The following RP1L1 variants were observed in gnomAD, a reference collection of about 807,000 sequenced individuals.
RP1L1 encodes retinitis pigmentosa 1-like 1 protein.
In RP1L1, 27 loss-of-function variants were observed where a neutral mutation model predicts 15.7. The ratio of observed to expected loss-of-function variants is 1.72; its 90% CI spans 1.27 to 2.38. The LOEUF is 2.38. Among genes scored for constraint, RP1L1 ranks in the 30% most tolerant of loss-of-function variants. RP1L1 has a pLI of 0.00. For synonymous variants in RP1L1, 1,813 were observed against 1,276.7 expected (o/e 1.42, Z -8.96); for missense variants, 4,798 against 3,075.9 (o/e 1.56, Z -13.24).
At chr8:10,616,658 GA>G (rs1172557805) in intron 2 of RP1L1, 71 bp from the exon 3 acceptor site, 10 of 1,508,342 alleles carry the variant, frequency 6.6e-6, no homozygotes, top group Non-Finnish European at 8.9e-6. Context: ...CCTGGGGGAG[GA>G]AGGATCCAGT....
In RP1L1 at chr8:10,616,148, A is replaced by G. The variant is rs1245341154; in HGVS notation, c.751+298T>C. Among the ~76,000 whole-genome samples the G allele has an allele frequency of 2.0e-5, 3 of 152,032 alleles. 1 individual carries two copies. Among genetic ancestry groups the G allele is most frequent in the Non-Finnish European group, 4.4e-5 (3 of 68,004 alleles). On this transcript the variant is annotated intron_variant, in intron 3 of 3. Transcript: ENST00000382483. ...GGTGTCCAACTCCTAGACTCAAGCT[A>G]TCCTCTCGCTTTGGGCCCCCAAACG...
intron 2 of RP1L1, among the ~76,000 whole-genome samples, 177 bp downstream of exon 2, chr8:10,622,416 T>G (rs984612312): frequency 5.3e-5 from 8 of 150,664 alleles, no homozygotes; most frequent in African/African-American, 1.9e-4. Context: ...AAAACATGAA[T>G]CACAGCTGCT....
chr8:10,620,185 A>G (rs1325401226), intron 2 of RP1L1, among the ~76,000 whole-genome samples: 1 of 152,172 alleles, frequency 6.6e-6, no homozygotes, highest in Non-Finnish European at 1.5e-5. Flanking sequence ...AGCGAATTCC[A>G]TGGATGTTAG....
chr8:10,649,432 A>G (rs1798526686), intron 1 of RP1L1, among the ~76,000 whole-genome samples: 1 of 152,156 alleles, frequency 6.6e-6, no homozygotes, highest in African/African-American at 2.4e-5. Context: ...AGAAATACCC[A>G]TGGCTAGCTG....
In RP1L1 at chr8:10,611,261, C is replaced by G. The variant is rs1585966240; in HGVS notation, c.2837G>C (p.Ser946Thr). Residue 946 changes from serine to threonine, a missense_variant, in exon 4 of 4, where the codon AGC (serine) becomes ACC (threonine). Coordinates refer to ENST00000382483, the MANE Select transcript of RP1L1 (RefSeq NM_178857.6). ...GQEEASGVSPSSLPRSSPEAV... is the reference protein window; with the variant it reads ...GQEEASGVSPTSLPRSSPEAV... ...CTCTGGAGACGAGCGGGGCAGAGAGCTGGGTGACACACCACTGGCCTCCTC... is the reference window on the plus strand; with the variant it reads ...CTCTGGAGACGAGCGGGGCAGAGAGGTGGGTGACACACCACTGGCCTCCTC... 1 of 1,613,016 alleles carries G rather than the reference C, an allele frequency of 6.2e-7. No homozygotes were observed. The highest frequency in any genetic ancestry group is 2.2e-5 in the East Asian group (1 of 44,864).
At chr8:10,620,236 G>A (rs964320933) in intron 2 of RP1L1, among the ~76,000 whole-genome samples, 4 of 152,144 alleles carry the variant, frequency 2.6e-5, no homozygotes, top group African/African-American at 9.7e-5. Flanking sequence ...TAGTTCTTTG[G>A]ATAGAAGTAA....
Position 10,609,870 on chromosome 8 carries a change from A to G in RP1L1, c.4228T>C (p.Leu1410=). 6.2e-7 allele frequency: 1 copy of G among 1,607,990 alleles called. No homozygotes were observed. The highest frequency in any genetic ancestry group is 1.3e-5 in the African/African-American group (1 of 74,212). ...PEEGSVHGQE[L]SEASSPDGKG... Reference sequence around the variant, plus strand: ...CCATCCGGAGAGCTGGCCTCTGACAATTCCTGCCCGTGGACGCTTCCTTCT... The same window carrying G: ...CCATCCGGAGAGCTGGCCTCTGACAGTTCCTGCCCGTGGACGCTTCCTTCT... The change falls in exon 4 of 4, where the codon TTG becomes CTG. Residue 1410 remains leucine (L), a synonymous_variant. Coordinates refer to ENST00000382483, the MANE Select transcript of RP1L1 (RefSeq NM_178857.6).
intron 1 of RP1L1, among the ~76,000 whole-genome samples, chr8:10,637,081 G>A (rs1446135641): frequency 6.6e-6 from 1 of 152,240 alleles, no homozygotes; most frequent in East Asian, 1.9e-4. Flanking sequence ...GAGACAGGCT[G>A]AGATTTAGAG....
chr8:10,629,930 C>G (rs916586372), intron 1 of RP1L1, among the ~76,000 whole-genome samples: 1 of 152,182 alleles, frequency 6.6e-6, no homozygotes, highest in African/African-American at 2.4e-5. Context: ...TCCCGCATGG[C>G]CCTGTCCACA....
intron 1 of RP1L1, among the ~76,000 whole-genome samples, chr8:10,630,276 T>A (rs1449705973): frequency 2.0e-5 from 3 of 152,224 alleles, no homozygotes. Flanking sequence ...GGCAGGAGGA[T>A]GGGCAGAGGC....
chr8:10,614,959 G>A (rs987948340), intron 3 of RP1L1, among the ~76,000 whole-genome samples: 5 of 151,650 alleles, frequency 3.3e-5, no homozygotes, highest in Admixed American at 6.6e-5. Context: ...TCCATCTCCT[G>A]AGCCAACATG....
intron 1 of RP1L1, among the ~76,000 whole-genome samples, chr8:10,631,880 G>A (rs1798258707): frequency 1.3e-5 from 2 of 152,260 alleles, no homozygotes; most frequent in South Asian, 2.1e-4. Flanking sequence ...GAAGGGGGAA[G>A]CCAGCACGGG....
Position 10,612,978 on chromosome 8 carries a change from A to G in RP1L1, c.1120T>C (p.Trp374Arg). ...CACACCCCAGGCTCTGAGAAGCCCC[A>G]AGGGTAGCCCTCCCACACACAGCAG... ...PLCCVWEGYP[W>R]GFSEPGVWGP... The change falls in exon 4 of 4, where the codon TGG (tryptophan) becomes CGG (arginine). Residue 374 changes from tryptophan (W) to arginine (R), a missense_variant. Coordinates refer to ENST00000382483, the MANE Select transcript of RP1L1 (RefSeq NM_178857.6). 1.9e-6 allele frequency: 3 copies of G among 1,613,148 alleles called. No individual in the cohort carries two copies. In the Admixed American group the frequency reaches 5.0e-5, roughly 27 times the overall value.
intron 1 of RP1L1, among the ~76,000 whole-genome samples, chr8:10,650,104 C>G (rs986539515): frequency 3.3e-5 from 5 of 152,170 alleles, no homozygotes; most frequent in Admixed American, 2.0e-4. Context: ...TGAGACTCAT[C>G]TCTTCTTGCT....
Position 10,612,125 on chromosome 8 carries a change from C to T in RP1L1, c.1973G>A (p.Arg658Gln), listed in dbSNP as rs377641004. The T allele has an allele frequency of 1.1e-5, 17 of 1,613,566 alleles. No individual in the cohort carries two copies. The highest frequency in any genetic ancestry group is 1.0e-4 in the Admixed American group (6 of 60,012). ...MSSPSSPGLG[R>Q]VAPRGHPRHS... ...CCTGGGATGGCCTCTCGGGGCCACT[C>T]GGCCAAGGCCAGGGCTGCTGGGTGA... Residue 658 changes from arginine to glutamine, a missense_variant, in exon 4 of 4, where the codon CGA becomes CAA. By Grantham distance (43) the Arg-to-Gln change is conservative (BLOSUM62 1). Transcript: ENST00000382483.
Position 10,608,172 on chromosome 8 carries a change from C to G in RP1L1, c.5926G>C (p.Asp1976His). 1 of 1,612,792 alleles carries G rather than the reference C, an allele frequency of 6.2e-7. No homozygotes were observed. The highest frequency in any genetic ancestry group is 8.5e-7 in the Non-Finnish European group (1 of 1,179,766). ...AEEEAQPESE[D>H]VEALEVEVET... The stretch of plus-strand genomic sequence containing the variant: ...ACTTCAACCTCCAGGGCCTCTACAT[C>G]TTCTGACTCTGGCTGGGCTTCCTCT... The change falls in exon 4 of 4, where the codon GAT becomes CAT. Residue 1976 changes from aspartate (D) to histidine (H), a missense_variant. Physicochemically the swap from Asp to His is moderately conservative, Grantham distance 81. Coordinates refer to ENST00000382483, the MANE Select transcript of RP1L1 (RefSeq NM_178857.6).
In RP1L1 at chr8:10,606,942, C is replaced by T; in HGVS notation, c.7156G>A (p.Ala2386Thr). The change falls in exon 4 of 4, where the codon GCA becomes ACA. Residue 2386 changes from alanine (A) to threonine (T), a missense_variant. Physicochemically the swap from Ala to Thr is moderately conservative, Grantham distance 58 (BLOSUM62 0). Coordinates refer to ENST00000382483, the MANE Select transcript of RP1L1 (RefSeq NM_178857.6). ...CCAAAGCCGTCTGCCCTGCCCACTG[C>T]CTCAGTGGGGGCGAGACTTCCGAGT... ...QALGSLAPTE[A>T]VGRADGFGQD... 2 of 1,614,236 alleles carry T rather than the reference C, an allele frequency of 1.2e-6. No individual in the cohort carries two copies. Among genetic ancestry groups the T allele is most frequent in the Non-Finnish European group, 1.7e-6 (2 of 1,180,046 alleles).
At chr8:10,629,146 G>C (rs1483540895) in intron 1 of RP1L1, among the ~76,000 whole-genome samples, 2 of 152,220 alleles carry the variant, frequency 1.3e-5, no homozygotes, top group African/African-American at 4.8e-5. Flanking sequence ...TAAAACCCAG[G>C]ACAGGTAGAA....
At chr8:10,616,155 C>G (rs901425099) in intron 3 of RP1L1, among the ~76,000 whole-genome samples, 1 of 152,180 alleles carries the variant, frequency 6.6e-6, no homozygotes, top group African/African-American at 2.4e-5. Flanking sequence ...GCTATCCTCT[C>G]GCTTTGGGCC....
Sources: allele counts gnomAD v4.1 joint callset (sites outside exome capture counted in the v4.1 genomes callset), GRCh38; gene constraint gnomAD v4.1.1; transcripts MANE v1.5; gene names NCBI Gene and HGNC (gene_info 2026-07-23, HGNC 2026-07-21).